Variants in DOCK7 observed in about 807,000 individuals in gnomAD.
DOCK7 encodes dedicator of cytokinesis 7.
DOCK7 carries 138 observed loss-of-function variants against 271.0 expected under a neutral mutation model. The observed-to-expected ratio is 0.51, with a 90% confidence interval of 0.44 to 0.59. DOCK7 has a LOEUF of 0.59. Among genes scored for constraint, DOCK7 ranks in the 20% least tolerant of loss-of-function variants. DOCK7 has a pLI of 0.00. For missense variants in DOCK7, 2,066 were observed against 2,592.4 expected (o/e 0.80, Z 4.41); for synonymous variants, 823 against 876.1 (o/e 0.94, Z 1.07).
At chr1:62,649,272 G>A (rs1657049687) in intron 4 of DOCK7, among the ~76,000 whole-genome samples, 1 of 152,102 alleles carries the variant, frequency 6.6e-6, no homozygotes, top group Non-Finnish European at 1.5e-5. Flanking sequence ...AAACAATAAT[G>A]TTCACAAGAT....
chr1:62,561,726 A>T, intron 18 of DOCK7, 23 bp from the exon 19 acceptor site: 1 of 1,324,990 alleles, frequency 7.5e-7, no homozygotes, highest in Non-Finnish European at 9.9e-7. Flanking sequence ...AAATATAATG[A>T]TCACAGATGC....
intron 14 of DOCK7, chr1:62,597,723 T>G: frequency 6.2e-7 from 1 of 1,613,604 alleles, no homozygotes; most frequent in Non-Finnish European, 8.5e-7. Context: ...CCTCCTTCAG[T>G]TGGGACATGG....
At chr1:62,472,162 G>A (rs1372183180) in intron 48 of DOCK7, among the ~76,000 whole-genome samples, 2 of 152,028 alleles carry the variant, frequency 1.3e-5, no homozygotes, top group African/African-American at 2.4e-5. Context: ...GGAGTGCAGT[G>A]GCATGATCTC....
chr1:62,629,506 T>C (rs755528974), intron 11 of DOCK7: 1 of 152,138 alleles, frequency 6.6e-6, no homozygotes, highest in Non-Finnish European at 1.5e-5. Flanking sequence ...CAAGTCAATA[T>C]GTATGAAATG....
At chr1:62,537,116 C>G (rs1255628423) in intron 28 of DOCK7, among the ~76,000 whole-genome samples, 1 of 152,162 alleles carries the variant, frequency 6.6e-6, no homozygotes, top group African/African-American at 2.4e-5. Flanking sequence ...CTTCATCCCC[C>G]ACTTCCTTTC....
At chr1:62,474,145 C>T (rs2149256788) in intron 47 of DOCK7, 57 bp from the exon 48 acceptor site, 1 of 1,425,198 alleles carries the variant, frequency 7.0e-7, no homozygotes, top group Non-Finnish European at 9.8e-7. Flanking sequence ...ATCACAGAGA[C>T]AGAATTTACT....
chr1:62,641,463 GCATGCTTCA>G (rs1656019321), intron 7 of DOCK7: 1 of 422,826 alleles, frequency 2.4e-6, no homozygotes, highest in African/African-American at 2.0e-5. Context: ...TTGTGGGGCA[GCATGCTTCA>G]CATGGTCCAC....
chr1:62,546,380 G>A (rs763179727), intron 22 of DOCK7, among the ~76,000 whole-genome samples: 4 of 151,986 alleles, frequency 2.6e-5, no homozygotes, highest in Non-Finnish European at 4.4e-5. Context: ...CAAATATATA[G>A]AGAAATTGAA....
In DOCK7 at chr1:62,620,740, C is replaced by T. The variant is rs565197843; in HGVS notation, c.1426-747G>A. Among the ~76,000 whole-genome samples, 24 of 151,756 alleles carry T rather than the reference C, an allele frequency of 1.6e-4. No individual in the cohort carries two copies. In the East Asian group the frequency reaches 2.9e-3, roughly 18 times the overall value. ...CTAAAAAATACAAAAAAAAATTAGC[C>T]GGGCGGGATGGCAGGCGCCTGCAGT... On this transcript the variant is annotated intron_variant, in intron 12 of 49. Coordinates refer to ENST00000635253, the MANE Select transcript of DOCK7 (RefSeq NM_001367561.1).
intron 15 of DOCK7, chr1:62,585,009 C>A: frequency 2.2e-6 from 1 of 458,444 alleles, no homozygotes; most frequent in South Asian, 4.5e-5. Context: ...CATAGGCTGA[C>A]CAAGTATCTA....
chr1:62,623,611 T>C (rs1271474659), intron 12 of DOCK7, among the ~76,000 whole-genome samples: 2 of 152,100 alleles, frequency 1.3e-5, no homozygotes, highest in Non-Finnish European at 2.9e-5. Context: ...CCAACAGAAG[T>C]GGTGTAGCAG....
At chr1:62,584,130 A>G in intron 15 of DOCK7, 2 of 976,672 alleles carry the variant, frequency 2.0e-6, no homozygotes, top group Non-Finnish European at 2.4e-6. Context: ...TTTATTATTT[A>G]TATAAAGAGA....
intron 48 of DOCK7, among the ~76,000 whole-genome samples, chr1:62,472,565 A>G (rs1158673833): frequency 2.0e-5 from 3 of 152,268 alleles, no homozygotes; most frequent in African/African-American, 7.2e-5. Flanking sequence ...CAAAAACAAA[A>G]GCAAGAAACA....
intron 48 of DOCK7, among the ~76,000 whole-genome samples, chr1:62,469,979 T>C (rs1362375963): frequency 6.6e-6 from 1 of 151,306 alleles, no homozygotes; most frequent in Non-Finnish European, 1.5e-5. Flanking sequence ...TTGGTGGGAA[T>C]GTAAACTAGT....
At chr1:62,578,806 A>C (rs1238730413) in intron 17 of DOCK7, 22 bp downstream of exon 17, 1 of 1,570,608 alleles carries the variant, frequency 6.4e-7, no homozygotes, top group African/African-American at 1.4e-5. Flanking sequence ...TTTGATCTAA[A>C]TATTGAACCA....
At position 62,658,516 on chromosome 1, in the gene DOCK7, T is replaced by A. The variant is rs554247506; in HGVS notation, c.145-4357A>T. On this transcript the variant is annotated intron_variant, in intron 2 of 49. Transcript: ENST00000635253. Reference sequence around the variant, plus strand: ...AAGCAGTGAGGAGAAAACGACACATTACCTCTAGGAGGAAAAAATTCAACC... The same window carrying A: ...AAGCAGTGAGGAGAAAACGACACATAACCTCTAGGAGGAAAAAATTCAACC... 1.2e-3 allele frequency among the ~76,000 whole-genome samples: 187 copies of A among 152,132 alleles called. 1 individual carries two copies. Among genetic ancestry groups the A allele is most frequent in the African/African-American group, 3.8e-3 (156 of 41,526 alleles).
At chr1:62,674,845 A>C (rs907487409) in intron 1 of DOCK7, among the ~76,000 whole-genome samples, 3 of 152,230 alleles carry the variant, frequency 2.0e-5, no homozygotes, top group Non-Finnish European at 4.4e-5. Context: ...TAAAACTATC[A>C]AATTTTTAGC....
At chr1:62,600,960 T>C in intron 14 of DOCK7, 1 of 674,374 alleles carries the variant, frequency 1.5e-6, no homozygotes, top group Non-Finnish European at 2.7e-6. Flanking sequence ...TATCTAAATA[T>C]CAAACACCGT....
intron 14 of DOCK7, among the ~76,000 whole-genome samples, chr1:62,612,843 T>C (rs1651960682): frequency 6.6e-6 from 1 of 152,150 alleles, no homozygotes; most frequent in Admixed American, 6.6e-5. Context: ...CTTTCAAAAA[T>C]ACTAAGTAGA....
Sources: allele counts gnomAD v4.1 joint callset (sites outside exome capture counted in the v4.1 genomes callset), GRCh38; gene constraint gnomAD v4.1.1; transcripts MANE v1.5; gene names NCBI Gene and HGNC (gene_info 2026-07-23, HGNC 2026-07-21).